CD46: variants seen among roughly 807,000 people sequenced by gnomAD.
CD46 encodes the protein membrane cofactor protein.
CD46 carries 30 observed loss-of-function variants against 53.3 expected under a neutral mutation model. The ratio of observed to expected loss-of-function variants is 0.56; its 90% confidence interval spans 0.42 to 0.76. CD46 has a LOEUF of 0.76. CD46 is among the 30% of genes least tolerant of loss of function. CD46 has a pLI of 0.00. For synonymous variants in CD46, 142 were observed against 152.0 expected (o/e 0.93, Z 0.48); for missense variants, 409 against 463.0 (o/e 0.88, Z 1.07).
intron 10 of CD46, 128 bp downstream of exon 10, chr1:207,785,234 C>T: frequency 5.3e-6 from 4 of 748,140 alleles, no homozygotes; most frequent in Non-Finnish European, 9.3e-6. Flanking sequence ...TTAGGAAAAC[C>T]TGACTTTTTA....
At chr1:207,760,970 A>G in intron 4 of CD46, 1 of 408,800 alleles carries the variant, frequency 2.4e-6, no homozygotes, top group South Asian at 2.3e-5. Context: ...ATTGTGGACT[A>G]CAATTTGACA....
chr1:207,777,862 A>G (rs932077788), intron 8 of CD46, among the ~76,000 whole-genome samples: 15 of 152,286 alleles, frequency 9.8e-5, no homozygotes, highest in Admixed American at 7.8e-4. Context: ...AGGAATCGCC[A>G]TACTGCTTCC....
At chr1:207,790,884 C>A (rs1659737269) in intron 12 of CD46, among the ~76,000 whole-genome samples, 1 of 152,198 alleles carries the variant, frequency 6.6e-6, no homozygotes, top group Non-Finnish European at 1.5e-5. Context: ...TTGCCTTAAA[C>A]CCTTGGACCC....
intron 1 of CD46, among the ~76,000 whole-genome samples, chr1:207,756,294 A>ACTG (rs1655527606): frequency 6.6e-6 from 1 of 152,226 alleles, no homozygotes; most frequent in Non-Finnish European, 1.5e-5. Flanking sequence ...AGGGTGAGTA[A>ACTG]TTCTGAAAAG....
chr1:207,788,469 G>C (rs573333439), intron 11 of CD46, among the ~76,000 whole-genome samples: 56 of 152,218 alleles, frequency 3.7e-4, no homozygotes, highest in African/African-American at 1.3e-3. Context: ...CAGTGAGCGA[G>C]ATTGCGCCAC....
chr1:207,776,194 A>G (rs1192698441), intron 8 of CD46, among the ~76,000 whole-genome samples: 2 of 152,192 alleles, frequency 1.3e-5, no homozygotes, highest in African/African-American at 4.8e-5. Context: ...ACAGGAGGGT[A>G]TCTCCTGGTC....
At chr1:207,777,280 A>C (rs575545773) in intron 8 of CD46, among the ~76,000 whole-genome samples, 3 of 152,296 alleles carry the variant, frequency 2.0e-5, no homozygotes, top group African/African-American at 7.2e-5. Flanking sequence ...CAAGTTAATC[A>C]CTGTTAATAG....
At chr1:207,762,033 A>G (rs564076935) in intron 5 of CD46, among the ~76,000 whole-genome samples, 1 of 152,342 alleles carries the variant, frequency 6.6e-6, no homozygotes, top group South Asian at 2.1e-4. Flanking sequence ...TCTAGACAAT[A>G]AGACAACTTT....
At position 207,752,334 on chromosome 1, in the gene CD46, C is replaced by T. The variant is rs746630003; in HGVS notation, c.97+25C>T. 3 of 1,602,216 alleles carry T rather than the reference C, an allele frequency of 1.9e-6. No homozygotes were observed. Among genetic ancestry groups the T allele is most frequent in the South Asian group, 1.1e-5 (1 of 90,864 alleles). ...GGTAGGACCCCGGGGCGGGTTCGCGCGTCCGCGGCGAGACTAGAGCTCTCC... is the reference window on the plus strand; with the variant it reads ...GGTAGGACCCCGGGGCGGGTTCGCGTGTCCGCGGCGAGACTAGAGCTCTCC... On this transcript the variant is annotated intron_variant, in intron 1 of 12. Coordinates refer to ENST00000367042, the MANE Select transcript of CD46 (RefSeq NM_172351.3). This position sits in a 1 kb window ranked among gnomAD's most constrained non-coding sequence, Gnocchi z 4.1.
intron 12 of CD46, among the ~76,000 whole-genome samples, 183 bp from the exon 13 acceptor site, chr1:207,793,336 G>A (rs748093023): frequency 1.3e-5 from 2 of 151,872 alleles, no homozygotes; most frequent in Non-Finnish European, 2.9e-5. Flanking sequence ...ATAAAGGAAG[G>A]TTTTTTTTAC....
At position 207,783,303 on chromosome 1, in the gene CD46, C is replaced by A. The variant is rs975202230; in HGVS notation, c.955C>A (p.Pro319Thr). 2.0e-6 allele frequency: 3 copies of A among 1,514,538 alleles called. No homozygotes were observed. Among genetic ancestry groups the A allele is most frequent in the Non-Finnish European group, 2.8e-6 (3 of 1,090,856 alleles). 93.8% of individuals were successfully genotyped at this position (1,514,538 alleles called of 1,614,324 possible). ...PVSNYPGYPK[P>T]EEGILDSLDV... ...TTCTTTTTTCCTAGGATATCCTAAA[C>A]CTGAGGAAGGAATACTTGACAGTTT... Residue 319 changes from proline (P) to threonine (T), a missense_variant, in exon 9 of 13, where the codon CCT becomes ACT. Coordinates refer to ENST00000367042, the MANE Select transcript of CD46 (RefSeq NM_172351.3).
At chr1:207,777,417 A>G (rs1214878529) in intron 8 of CD46, among the ~76,000 whole-genome samples, 1 of 152,140 alleles carries the variant, frequency 6.6e-6, no homozygotes, top group African/African-American at 2.4e-5. Flanking sequence ...TTTGTTGTAC[A>G]TAACTATTTC....
At chr1:207,759,860 A>G in intron 4 of CD46, 136 bp downstream of exon 4, 1 of 609,002 alleles carries the variant, frequency 1.6e-6, no homozygotes, top group South Asian at 2.0e-5. Flanking sequence ...ATTGGTATTT[A>G]TCATATTGGA....
intron 8 of CD46, among the ~76,000 whole-genome samples, chr1:207,783,057 AC>A (rs2102679047): frequency 6.6e-6 from 1 of 152,252 alleles, no homozygotes; most frequent in South Asian, 2.1e-4. Flanking sequence ...GAATGTTGTC[AC>A]AGAAAATGTG....
intron 5 of CD46, among the ~76,000 whole-genome samples, chr1:207,763,999 TC>T (rs1656562217): frequency 1.3e-5 from 2 of 151,706 alleles, no homozygotes; most frequent in African/African-American, 4.9e-5. Context: ...TGCCATGTCT[TC>T]CTAGACTTAA....
At chr1:207,782,741 G>A (rs1439646766) in intron 8 of CD46, among the ~76,000 whole-genome samples, 2 of 144,580 alleles carry the variant, frequency 1.4e-5, no homozygotes, top group Non-Finnish European at 3.0e-5. Context: ...TCCGCCTCCC[G>A]GGTTCAAGCG....
chr1:207,769,251 C>A (rs1025007813), intron 7 of CD46: 1 of 152,404 alleles, frequency 6.6e-6, no homozygotes, highest in Admixed American at 6.5e-5. Flanking sequence ...GAGTGAGACT[C>A]TGTCTCAAAA....
At chr1:207,784,969 G>C in intron 9 of CD46, 102 bp from the exon 10 acceptor site, 3 of 957,442 alleles carry the variant, frequency 3.1e-6, no homozygotes, top group Non-Finnish European at 5.0e-6. Flanking sequence ...GATTTGGGTG[G>C]GGACACAGCC....
chr1:207,775,824 A>T (rs1658040023), intron 8 of CD46, among the ~76,000 whole-genome samples: 1 of 152,144 alleles, frequency 6.6e-6, no homozygotes, highest in South Asian at 2.1e-4. Flanking sequence ...CATGGGTGTC[A>T]GGGACCCACT....
Sources: allele counts gnomAD v4.1 joint callset (sites outside exome capture counted in the v4.1 genomes callset), GRCh38; gene constraint gnomAD v4.1.1; non-coding constraint Gnocchi (gnomAD v3.1); transcripts MANE v1.5; gene names NCBI Gene and HGNC (gene_info 2026-07-23, HGNC 2026-07-21).